ADAMTSL1: variants seen among roughly 807,000 people sequenced by gnomAD.
ADAMTSL1 encodes ADAMTS-like protein 1.
Under a neutral mutation model 201.8 loss-of-function variants are expected in ADAMTSL1, and 126 were observed. That is an observed-to-expected ratio of 0.62 (90% CI 0.54 to 0.72). The LOEUF is 0.72. Among genes scored for constraint, ADAMTSL1 ranks in the 30% least tolerant of loss-of-function variants. ADAMTSL1 has a pLI of 0.00. For missense variants in ADAMTSL1, 2,679 were observed against 2,277.8 expected (o/e 1.18, Z -3.59); for synonymous variants, 1,121 against 903.4 (o/e 1.24, Z -4.32).
intron 14 of ADAMTSL1, among the ~76,000 whole-genome samples, chr9:18,711,949 A>AACTG (rs1554738034): frequency 4.3e-5 from 6 of 140,404 alleles, no homozygotes; most frequent in Non-Finnish European, 6.4e-5. Flanking sequence ...CCTGACCCCC[A>AACTG]AGCAGCCTAA....
intron 2 of ADAMTSL1, among the ~76,000 whole-genome samples, chr9:18,439,550 A>T (rs951240656): frequency 7.2e-5 from 11 of 152,138 alleles, no homozygotes; most frequent in African/African-American, 2.4e-4. Context: ...TATTTTTAGT[A>T]GAGACGGGAT....
chr9:18,817,239 T>G lies in ADAMTSL1; in HGVS notation c.3934+2T>G. 6.4e-7 allele frequency: 1 copy of G among 1,552,404 alleles called. No homozygotes were observed. Among genetic ancestry groups the G allele is most frequent in the East Asian group, 2.4e-5 (1 of 41,014 alleles). On this transcript the variant is annotated splice_donor_variant, in intron 21 of 28. Transcript: ENST00000380548. LOFTEE classifies it high-confidence loss of function. ...TGACAATCAACTGCCAGGTTGCAGGTGAGAAATTAATGTTCATTTGTTCAC... is the reference window on the plus strand; with the variant it reads ...TGACAATCAACTGCCAGGTTGCAGGGGAGAAATTAATGTTCATTTGTTCAC...
intron 20 of ADAMTSL1, among the ~76,000 whole-genome samples, chr9:18,801,573 TC>T: frequency 6.6e-6 from 1 of 152,162 alleles, no homozygotes; most frequent in Admixed American, 6.5e-5. Flanking sequence ...TGTTCCCCCT[TC>T]TTCGTGTTCA....
intron 1 of ADAMTSL1, among the ~76,000 whole-genome samples, chr9:18,094,904 A>G (rs1824178352): frequency 6.6e-6 from 1 of 152,098 alleles, no homozygotes; most frequent in African/African-American, 2.4e-5. Context: ...TCATTTCATC[A>G]GGTTCAGGCA....
At chr9:18,107,332 A>AT (rs1251782095) in intron 1 of ADAMTSL1, among the ~76,000 whole-genome samples, 1 of 152,172 alleles carries the variant, frequency 6.6e-6, no homozygotes, top group Non-Finnish European at 1.5e-5. Flanking sequence ...AATTCCCAGG[A>AT]TCCTAATGAA....
chr9:18,201,526 C>A (rs541298193), intron 2 of ADAMTSL1, among the ~76,000 whole-genome samples: 7 of 152,022 alleles, frequency 4.6e-5, no homozygotes, highest in South Asian at 2.1e-4. Flanking sequence ...TTTTTCTGTG[C>A]CCCACCTTCC....
chr9:18,683,470 T>G (rs10963721), intron 12 of ADAMTSL1, among the ~76,000 whole-genome samples: 1 of 151,832 alleles, frequency 6.6e-6, no homozygotes, highest in Non-Finnish European at 1.5e-5. Context: ...TGAGCTCAGG[T>G]AATCGCCTCG....
At chr9:18,200,790 C>A (rs913477212) in intron 2 of ADAMTSL1, among the ~76,000 whole-genome samples, 6 of 151,888 alleles carry the variant, frequency 4.0e-5, no homozygotes, top group African/African-American at 1.4e-4. Flanking sequence ...AAAAAACATA[C>A]CTCTTTTTCT....
intron 1 of ADAMTSL1, among the ~76,000 whole-genome samples, chr9:17,981,290 T>C (rs74629410): frequency 6.6e-6 from 1 of 152,214 alleles, no homozygotes; most frequent in Non-Finnish European, 1.5e-5. Flanking sequence ...AGCCACCCAA[T>C]CTATGGTGTT....
chr9:18,190,168 C>T (rs1238599433), intron 2 of ADAMTSL1, among the ~76,000 whole-genome samples: 1 of 152,180 alleles, frequency 6.6e-6, no homozygotes, highest in Non-Finnish European at 1.5e-5. Flanking sequence ...AGTCCTCCAA[C>T]TATGTCATAG....
chr9:18,606,016 T>G (rs988654687), intron 4 of ADAMTSL1, among the ~76,000 whole-genome samples: 1 of 152,086 alleles, frequency 6.6e-6, no homozygotes, highest in Non-Finnish European at 1.5e-5. Context: ...AAACCAAAAG[T>G]TCACATTGGG....
At chr9:18,590,684 C>A (rs1823853476) in intron 4 of ADAMTSL1, among the ~76,000 whole-genome samples, 1 of 151,924 alleles carries the variant, frequency 6.6e-6, no homozygotes, top group South Asian at 2.1e-4. Context: ...TATCACTCTT[C>A]CTGTATCCCA....
chr9:18,616,699 A>G (rs190845093), intron 4 of ADAMTSL1, among the ~76,000 whole-genome samples: 100 of 152,268 alleles, frequency 6.6e-4, no homozygotes, highest in African/African-American at 2.2e-3. Flanking sequence ...GCAACTGTAC[A>G]GGACGGCATA....
intron 3 of ADAMTSL1, among the ~76,000 whole-genome samples, chr9:18,570,566 A>G (rs1447852883): frequency 1.3e-5 from 2 of 148,338 alleles, no homozygotes; most frequent in African/African-American, 5.0e-5. Context: ...TGATTCATTT[A>G]CACTTAAATC....
chr9:18,584,639 G>T (rs1176656413), intron 4 of ADAMTSL1, among the ~76,000 whole-genome samples: 2 of 152,076 alleles, frequency 1.3e-5, no homozygotes, highest in East Asian at 1.9e-4. Flanking sequence ...TTAATTTTAG[G>T]TGTCAACTTG....
intron 1 of ADAMTSL1, among the ~76,000 whole-genome samples, chr9:17,986,412 A>G (rs909038533): frequency 1.3e-5 from 2 of 152,006 alleles, no homozygotes; most frequent in African/African-American, 2.4e-5. Flanking sequence ...CCAGATAGAA[A>G]TAGTCCTGAG....
chr9:18,122,345 G>A (rs994713768), intron 1 of ADAMTSL1, among the ~76,000 whole-genome samples: 7 of 152,188 alleles, frequency 4.6e-5, no homozygotes, highest in Admixed American at 1.3e-4. Context: ...AGGAAACACA[G>A]ATGATGGGTG....
At position 18,904,633 on chromosome 9, in the gene ADAMTSL1, C is replaced by CAAAA. The variant is rs71333072; in HGVS notation, c.4852-1113_4852-1110dup. ...TGGGCAACAGAAAGAGACCCTGCCT[C>CAAAA]AAAAAAAAAAAAAAAAAAAAAAAAA... On this transcript the variant is annotated intron_variant, in intron 26 of 28. Transcript: ENST00000380548. 1.3e-3 allele frequency among the ~76,000 whole-genome samples: 19 copies of CAAAA among 15,006 alleles called. 3 individuals are homozygous for CAAAA. Among genetic ancestry groups the CAAAA allele is most frequent in the Admixed American group, 3.6e-3 (2 of 548 alleles). The allele number at this position is 15,006 out of a possible 152,430, so 9.8% of individuals were successfully genotyped here.
chr9:18,082,536 T>C (rs1823549843), intron 1 of ADAMTSL1, among the ~76,000 whole-genome samples: 1 of 152,176 alleles, frequency 6.6e-6, no homozygotes, highest in Non-Finnish European at 1.5e-5. Flanking sequence ...GTCATGACAT[T>C]TTCAGCTTCT....
Sources: gnomAD v4.1 joint callset for allele counts (sites outside exome capture counted in the v4.1 genomes callset) on GRCh38, gnomAD v4.1.1 for gene constraint, MANE v1.5 for transcripts, NCBI Gene and HGNC (gene_info 2026-07-23, HGNC 2026-07-21) for gene names.